Variants in SI observed in about 807,000 individuals in gnomAD.
SI encodes sucrase-isomaltase, intestinal.
In SI, 235 loss-of-function variants were observed where a neutral mutation model predicts 253.3. The ratio of observed to expected loss-of-function variants is 0.93; its 90% CI spans 0.83 to 1.03. The LOEUF is 1.03. Ranked by LOEUF, SI falls within the 50% of genes least tolerant of loss-of-function variation. The pLI, the probability that SI is intolerant of heterozygous loss-of-function variation, is 0.00. For missense variants in SI, 2,442 were observed against 2,211.1 expected (o/e 1.10, Z -2.09); for synonymous variants, 819 against 712.0 (o/e 1.15, Z -2.39).
At chr3:165,082,197 C>G (rs933414518), upstream of SI, among the ~76,000 whole-genome samples, 1 of 151,908 alleles carries the variant, frequency 6.6e-6, no homozygotes, top group Non-Finnish European at 1.5e-5. Context: ...ATCTTTACAT[C>G]TCCCCAAGCA....
intron 45 of SI, among the ~76,000 whole-genome samples, chr3:164,984,440 C>G (rs1330924557): frequency 6.6e-6 from 1 of 151,868 alleles, no homozygotes; most frequent in Non-Finnish European, 1.5e-5. Context: ...CATTTTAGTT[C>G]TTATTTTCAA....
At chr3:165,002,716 T>G (rs1277876779) in intron 37 of SI, among the ~76,000 whole-genome samples, 1 of 151,772 alleles carries the variant, frequency 6.6e-6, no homozygotes, top group Non-Finnish European at 1.5e-5. Context: ...ATACATGTAA[T>G]TAATTATTTA....
chr3:165,016,176 A>G, intron 31 of SI, 96 bp from the exon 32 acceptor site: 1 of 1,088,296 alleles, frequency 9.2e-7, no homozygotes, highest in Non-Finnish European at 1.4e-6. Flanking sequence ...GCAATATGAA[A>G]GTTTGAGTTC....
chr3:165,001,300 C>T (rs970612146), intron 37 of SI, among the ~76,000 whole-genome samples: 15 of 151,420 alleles, frequency 9.9e-5, no homozygotes, highest in African/African-American at 3.4e-4. Flanking sequence ...TTGTTATCCT[C>T]ATTTTCATGA....
rs1719215477 is a variant in SI at position 165,019,704 on chromosome 3, T to C, written c.3321A>G (p.Pro1107=). Residue 1107 remains proline, a synonymous_variant, in exon 28 of 48, where the codon CCA becomes CCG. Coordinates refer to ENST00000264382, the MANE Select transcript of SI (RefSeq NM_001041.4). ...DQFIQISTRL[P]SEYIYGFGEV... is the part of the protein sequence containing the mutation. ...CCCCAAAACCATATATATATTCTGATGGCAGGCGAGTCGATATTTGAATGA... is the reference window on the plus strand; with the variant it reads ...CCCCAAAACCATATATATATTCTGACGGCAGGCGAGTCGATATTTGAATGA... 1 of 1,612,666 alleles carries C rather than the reference T, an allele frequency of 6.2e-7. No individual in the cohort carries two copies. Among genetic ancestry groups the C allele is most frequent in the Non-Finnish European group, 8.5e-7 (1 of 1,179,038 alleles).
At chr3:165,003,463 T>C (rs115049075) in intron 37 of SI, among the ~76,000 whole-genome samples, 4 of 152,220 alleles carry the variant, frequency 2.6e-5, no homozygotes, top group African/African-American at 9.6e-5. Context: ...GCCAGTTTAT[T>C]CACTCTTAAA....
chr3:165,048,621 GT>G (rs1472074887), intron 15 of SI, among the ~76,000 whole-genome samples: 1 of 142,700 alleles, frequency 7.0e-6, no homozygotes, highest in Non-Finnish European at 1.5e-5. Flanking sequence ...ATTCTTTTTT[GT>G]TTGTTTGTTT....
At chr3:165,076,051 AT>A (rs763749294) in intron 1 of SI, 39 bp from the exon 2 acceptor site, 1 of 1,315,042 alleles carries the variant, frequency 7.6e-7, no homozygotes, top group South Asian at 1.4e-5. Flanking sequence ...AATGTAAAAT[AT>A]ATAACTATAA....
rs1403102195 is a variant in SI at position 164,992,177 on chromosome 3, T to A, written c.4983A>T (p.Thr1661=). 6.2e-7 allele frequency: 1 copy of A among 1,609,524 alleles called. No individual in the cohort carries two copies. Among genetic ancestry groups the A allele is most frequent in the Non-Finnish European group, 8.5e-7 (1 of 1,177,638 alleles). ...VPNARWFDYH[T]GKDIGVRGQF... ...TCCCCAGAATTCCTTAAATACTTAC[T>A]GTATGGTAGTCAAACCACCGAGCAT... is the stretch of plus-strand genomic sequence containing the variant. Residue 1661 remains threonine (T), a splice_region_variant and synonymous_variant, in exon 43 of 48, where the codon ACA becomes ACT. Transcript: ENST00000264382.
intron 31 of SI, among the ~76,000 whole-genome samples, chr3:165,017,164 C>T (rs1055625626): frequency 1.7e-4 from 26 of 151,782 alleles, no homozygotes; most frequent in African/African-American, 6.3e-4. Context: ...TTAGTTCCAC[C>T]TCCAACTTGT....
intron 46 of SI, 114 bp downstream of exon 46, chr3:164,982,888 C>A: frequency 9.9e-7 from 1 of 1,005,150 alleles, no homozygotes; most frequent in South Asian, 1.4e-5. Context: ...TGGCCTCAAG[C>A]AATCCTCCCA....
At position 164,992,373 on chromosome 3, in the gene SI, C is replaced by G. The variant is rs1717794700; in HGVS notation, c.4866G>C (p.Trp1622Cys). ...CCCATAAGAACTGCTTGAATATATC[C>G]CAGGTTGGTTTTTCATCAAAGAACC... The part of the protein sequence containing the change: ...LHEFFDEKPT[W>C]DIFKQFLWGP... The change falls in exon 42 of 48, where the codon TGG becomes TGC. Residue 1622 changes from tryptophan to cysteine, a missense_variant. Coordinates refer to ENST00000264382, the MANE Select transcript of SI (RefSeq NM_001041.4). The G allele has an allele frequency of 6.2e-7, 1 of 1,611,484 alleles. No individual in the cohort carries two copies. The highest frequency in any genetic ancestry group is 1.3e-5 in the African/African-American group (1 of 74,892).
chr3:165,028,069 G>T (rs1486594908), intron 25 of SI, among the ~76,000 whole-genome samples: 2 of 151,374 alleles, frequency 1.3e-5, no homozygotes, highest in Non-Finnish European at 3.0e-5. Context: ...TCCTAGAACT[G>T]ATAAAATAGT....
intron 41 of SI, among the ~76,000 whole-genome samples, chr3:164,993,102 T>A (rs1318400716): frequency 1.3e-5 from 2 of 151,824 alleles, no homozygotes; most frequent in East Asian, 3.9e-4. Flanking sequence ...ATTGGAAAGA[T>A]GGGCTTACAC....
At chr3:165,073,456 T>C (rs1714729786) in intron 3 of SI, among the ~76,000 whole-genome samples, 1 of 152,008 alleles carries the variant, frequency 6.6e-6, no homozygotes, top group African/African-American at 2.4e-5. Flanking sequence ...CAAAGGAAAA[T>C]CTCATCTCTT....
chr3:165,040,927 A>G lies in SI; in HGVS notation c.2159+13T>C. 6.3e-7 allele frequency: 1 copy of G among 1,590,138 alleles called. No homozygotes were observed. On this transcript the variant is annotated intron_variant, in intron 18 of 47. Coordinates refer to ENST00000264382, the MANE Select transcript of SI (RefSeq NM_001041.4). Reference sequence around the variant, plus strand: ...TAAAAGGTATTATTATAATTATTGTACGTAGTACTCACTCATGAAGAACTG... The same window carrying G: ...TAAAAGGTATTATTATAATTATTGTGCGTAGTACTCACTCATGAAGAACTG...
chr3:165,034,116 A>C (rs1267690637), intron 22 of SI, among the ~76,000 whole-genome samples: 1 of 151,782 alleles, frequency 6.6e-6, no homozygotes, highest in Non-Finnish European at 1.5e-5. Context: ...CATAACATTA[A>C]TTTGCTTAAA....
At chr3:165,055,977 C>A (rs898069545) in intron 12 of SI, among the ~76,000 whole-genome samples, 1 of 152,052 alleles carries the variant, frequency 6.6e-6, no homozygotes, top group Non-Finnish European at 1.5e-5. Context: ...CAGTCTTACA[C>A]CTGAGTCCAT....
In SI at chr3:165,047,013, C is replaced by T. The variant is rs746602450; in HGVS notation, c.1716-1G>A. On this transcript the variant is annotated splice_acceptor_variant, in intron 15 of 47. Coordinates refer to ENST00000264382, the MANE Select transcript of SI (RefSeq NM_001041.4). LOFTEE classifies it high-confidence loss of function. ...ATTAGGAAAAACTTTTTGTACAGCT[C>T]TAAAAATAAAACCAAATTAACAAAT... The T allele has an allele frequency of 6.3e-7, 1 of 1,589,398 alleles. No homozygotes were observed. Among genetic ancestry groups the T allele is most frequent in the Non-Finnish European group, 8.6e-7 (1 of 1,164,660 alleles).
Sources: allele counts gnomAD v4.1 joint callset (sites outside exome capture counted in the v4.1 genomes callset), GRCh38; gene constraint gnomAD v4.1.1; transcripts MANE v1.5; gene names NCBI Gene and HGNC (gene_info 2026-07-23, HGNC 2026-07-21).